GET4: variants seen among roughly 807,000 people sequenced by gnomAD.
The protein encoded by GET4 is Golgi to ER traffic protein 4 homolog.
GET4 carries 20 observed loss-of-function variants against 40.0 expected under a neutral mutation model. The observed-to-expected ratio is 0.50, with a 90% CI of 0.35 to 0.73. The LOEUF is 0.73. Ranked by LOEUF, GET4 falls within the 30% of genes least tolerant of loss-of-function variation. The pLI is 0.01. For missense variants in GET4, 557 were observed against 454.0 expected, an observed-to-expected ratio of 1.23 and a Z score of -2.06; for synonymous variants, 280 against 194.6, an observed-to-expected ratio of 1.44 and a Z score of -3.65.
chr7:883,588 C>A, intron 1 of GET4: 1 of 985,430 alleles, frequency 1.0e-6, no homozygotes, highest in Non-Finnish European at 1.2e-6. Flanking sequence ...CTCTCAGCGC[C>A]TGTCAGCAGG....
intron 1 of GET4, chr7:884,733 T>G (rs1375468168): frequency 6.0e-6 from 1 of 165,840 alleles, no homozygotes; most frequent in Non-Finnish European, 1.3e-5. Context: ...AAGGTCATTC[T>G]GGTCCTCAGT....
Position 895,556 on chromosome 7 carries a change from T to C in GET4, c.*134T>C. 1 of 532,838 alleles carries C rather than the reference T, an allele frequency of 1.9e-6. No homozygotes were observed. Among genetic ancestry groups the C allele is most frequent in the Non-Finnish European group, 3.4e-6 (1 of 294,164 alleles). 33.0% of individuals were successfully genotyped at this position (532,838 alleles called of 1,614,324 possible). On this transcript the variant is annotated 3_prime_UTR_variant, in exon 9 of 9. Coordinates refer to ENST00000265857, the MANE Select transcript of GET4 (RefSeq NM_015949.3). ...CGGTGGCCGCATGCCGGCGCGTGTC[T>C]GTTTCTGTGCGGCGGCTCAGGGTGG...
intron 5 of GET4, among the ~76,000 whole-genome samples, chr7:891,304 G>A (rs540860540): frequency 5.3e-5 from 8 of 152,318 alleles, no homozygotes; most frequent in East Asian, 1.9e-4. Context: ...CCCTACACAC[G>A]CCCCTCGCCT....
chr7:878,350 T>C (rs1265311556), intron 1 of GET4: 1 of 471,044 alleles, frequency 2.1e-6, no homozygotes, highest in East Asian at 6.9e-5. Context: ...CTGTAAATTA[T>C]GCATATCAGA....
intron 4 of GET4, among the ~76,000 whole-genome samples, chr7:889,675 G>T (rs1844272427): frequency 6.8e-6 from 1 of 146,066 alleles, no homozygotes; most frequent in East Asian, 2.0e-4. Flanking sequence ...TTAGGACGGG[G>T]TCTGGGGCGA....
At chr7:886,797 TCTCAG>T in intron 3 of GET4, 147 bp downstream of exon 3, 1 of 644,180 alleles carries the variant, frequency 1.6e-6, no homozygotes, top group Non-Finnish European at 2.8e-6. Context: ...TCCCACCCGG[TCTCAG>T]TGAGCCAGGC....
chr7:883,493 G>A, intron 1 of GET4: 2 of 985,086 alleles, frequency 2.0e-6, no homozygotes, highest in Non-Finnish European at 1.2e-6. Context: ...TAAGAGAAGA[G>A]CAAAATCAGC....
At chr7:881,217 T>G (rs1844079070) in intron 1 of GET4, 1 of 152,222 alleles carries the variant, frequency 6.6e-6, no homozygotes, top group Non-Finnish European at 1.5e-5. Flanking sequence ...ACATTTACAT[T>G]TAAATATTTA....
intron 1 of GET4, among the ~76,000 whole-genome samples, chr7:877,517 T>C (rs1474468796): frequency 6.3e-5 from 5 of 79,300 alleles, no homozygotes; most frequent in Admixed American, 1.5e-4. Context: ...CTCTCTCTCT[T>C]CCTGCTGCCC....
At chr7:894,419 C>T (rs539877052) in intron 8 of GET4, among the ~76,000 whole-genome samples, 1 of 152,296 alleles carries the variant, frequency 6.6e-6, no homozygotes, top group Non-Finnish European at 1.5e-5. Context: ...AGGCCCCTCA[C>T]TGAGCCGCCT....
Position 886,357 on chromosome 7 carries a change from G to A in GET4, c.235-212G>A, listed in dbSNP as rs766033246. 22 of 605,838 alleles carry A rather than the reference G, an allele frequency of 3.6e-5. No homozygotes were observed. In the East Asian group the frequency reaches 4.4e-4, roughly 12 times the overall value. The allele number at this position is 605,838 out of a possible 1,614,324, so 37.5% of individuals were successfully genotyped here. The stretch of plus-strand genomic sequence containing the variant: ...TTGTGCACGATGGGGCTGAGAGGGC[G>A]TTGTGTTGGTATAAACGTCCCCGTC... On this transcript the variant is annotated intron_variant, in intron 2 of 8. Coordinates refer to ENST00000265857, the MANE Select transcript of GET4 (RefSeq NM_015949.3).
Position 895,383 on chromosome 7 carries a change from GGA to G in GET4, c.949_950del (p.Ser317ProfsTer94). The part of the protein sequence containing the change: ...MGSSEQEDGE[E>X]SPSDGSPIEL... ...GCTCCTCAGAGCAGGAGGATGGGGA[GGA>G]GAGCCCCAGCGACGGCAGCCCCATC... On this transcript the variant is annotated frameshift_variant, in exon 9 of 9. Coordinates refer to ENST00000265857, the MANE Select transcript of GET4 (RefSeq NM_015949.3). LOFTEE classifies it high-confidence loss of function. 1 of 1,600,054 alleles carries G rather than the reference GGA, an allele frequency of 6.2e-7. No individual in the cohort carries two copies. Among genetic ancestry groups the G allele is most frequent in the Non-Finnish European group, 8.6e-7 (1 of 1,168,788 alleles).
At chr7:894,845 A>C (rs1222855395) in intron 8 of GET4, among the ~76,000 whole-genome samples, 1 of 152,308 alleles carries the variant, frequency 6.6e-6, no homozygotes, top group South Asian at 2.1e-4. Flanking sequence ...TGTTGATTGG[A>C]TAAAAATCAG....
intron 6 of GET4, among the ~76,000 whole-genome samples, chr7:893,263 G>A (rs1265006181): frequency 1.4e-4 from 16 of 117,420 alleles, no homozygotes; most frequent in East Asian, 6.0e-4. Flanking sequence ...TGTTGGGCGC[G>A]GGCGCGGTGG....
intron 8 of GET4, among the ~76,000 whole-genome samples, chr7:895,023 C>CTGTT (rs1213095160): frequency 6.6e-6 from 1 of 151,500 alleles, no homozygotes; most frequent in East Asian, 1.9e-4. Flanking sequence ...TCCGTGGCTC[C>CTGTT]TGTTGGTGGG....
In GET4 at chr7:893,819, A is replaced by G; in HGVS notation, c.822+4A>G. 6.2e-7 allele frequency: 1 copy of G among 1,609,662 alleles called. No homozygotes were observed. Among genetic ancestry groups the G allele is most frequent in the Non-Finnish European group, 8.5e-7 (1 of 1,176,476 alleles). The stretch of plus-strand genomic sequence containing the variant: ...GCGGGACCCCATGTACAACGAGGTG[A>G]GAGCTTGGGGCTGGGGAGGGAGGAG... On this transcript the variant is annotated splice_donor_region_variant and intron_variant, in intron 7 of 8. Coordinates refer to ENST00000265857, the MANE Select transcript of GET4 (RefSeq NM_015949.3).
rs1281681722 is a variant in GET4 at position 892,539 on chromosome 7, G to A, written c.746+121G>A. ...AGCCATGGTGTGGGTAGCCGTGTGG[G>A]TATATGCATAGGGTATGAGTGCTGG... is the stretch of plus-strand genomic sequence containing the variant. On this transcript the variant is annotated intron_variant, in intron 6 of 8. Coordinates refer to ENST00000265857, the MANE Select transcript of GET4 (RefSeq NM_015949.3). 2.9e-6 allele frequency: 3 copies of A among 1,041,984 alleles called. No individual in the cohort carries two copies. The East Asian group carries it at 7.4e-5, about 26-fold the overall frequency. The allele number at this position is 1,041,984 out of a possible 1,614,324, so 64.5% of individuals were successfully genotyped here. A position where few individuals can be genotyped will look rare whatever the true frequency, so the allele number is the denominator to read the frequency against.
rs1204542263 is a variant in GET4, at chr7:896,048, C to G, written c.*626C>G. 6.6e-6 allele frequency: 1 copy of G among 152,222 alleles called. No homozygotes were observed. Among genetic ancestry groups the G allele is most frequent in the Admixed American group, 6.5e-5 (1 of 15,286 alleles). The allele number at this position is 152,222 out of a possible 1,614,324, so 9.4% of individuals were successfully genotyped here. ...CTGTGTCCCATGTGGCATCCCAGAG[C>G]TGCGCCCTGCTGGTCTCTGTGAGCG... On this transcript the variant is annotated 3_prime_UTR_variant, in exon 9 of 9. Coordinates refer to ENST00000265857, the MANE Select transcript of GET4 (RefSeq NM_015949.3).
chr7:878,699 G>C (rs1844020004), intron 1 of GET4, among the ~76,000 whole-genome samples: 1 of 151,392 alleles, frequency 6.6e-6, no homozygotes, highest in Admixed American at 6.6e-5. Flanking sequence ...TCCTGCCTCA[G>C]CCTCCTGAGT....
Sources: gnomAD v4.1 joint callset for allele counts (sites outside exome capture counted in the v4.1 genomes callset) on GRCh38, gnomAD v4.1.1 for gene constraint, MANE v1.5 for transcripts, NCBI Gene and HGNC (gene_info 2026-07-23, HGNC 2026-07-21) for gene names.